NUP214: variants seen among roughly 807,000 people sequenced by gnomAD.
NUP214 encodes the protein nucleoporin 214, also known as nuclear pore complex protein Nup214.
In NUP214, 79 loss-of-function variants were observed where a neutral mutation model predicts 196.2. The ratio of observed to expected loss-of-function variants is 0.40; its 90% CI spans 0.34 to 0.49. NUP214 has a LOEUF of 0.49. Ranked by LOEUF, NUP214 falls within the 20% of genes least tolerant of loss-of-function variation. NUP214 has a pLI of 0.58. For missense variants in NUP214, 2,468 were observed against 2,539.0 expected, an observed-to-expected ratio of 0.97 and a Z score of 0.60; for synonymous variants, 1,020 against 990.5, an observed-to-expected ratio of 1.03 and a Z score of -0.56.
rs1263584400 is a variant in NUP214 at position 131,130,753 on chromosome 9, T to C, written c.593-13T>C. On this transcript the variant is annotated splice_polypyrimidine_tract_variant and intron_variant, in intron 4 of 35. Transcript: ENST00000359428. ...TTTTCTTGTTTTCATTTGGTAATAC[T>C]GTCTTTGCTCAGTGTGCTGGAGCCC... 1.2e-6 allele frequency: 2 copies of C among 1,613,542 alleles called. No homozygotes were observed. The highest frequency in any genetic ancestry group is 2.2e-5 in the East Asian group (1 of 44,870).
Position 131,174,269 on chromosome 9 carries a change from T to C in NUP214, c.3108T>C (p.Ala1036=). Residue 1036 remains alanine, a synonymous_variant, in exon 22 of 36, where the codon GCT becomes GCC. Transcript: ENST00000359428. Reference sequence around the variant, plus strand: ...TCTTGCCCCATGCAGCACCTTTTGCTAAATCTCACCTGGTTCATGGTTCTT... The same window carrying C: ...TCTTGCCCCATGCAGCACCTTTTGCCAAATCTCACCTGGTTCATGGTTCTT... ...PSLLPHAAPF[A]KSHLVHGSSP... The C allele has an allele frequency of 6.2e-7, 1 of 1,613,942 alleles. No homozygotes were observed. The highest frequency in any genetic ancestry group is 8.5e-7 in the Non-Finnish European group (1 of 1,179,960).
In NUP214 at chr9:131,129,269, G is replaced by C. The variant is rs1156275272; in HGVS notation, c.394-10G>C. The C allele has an allele frequency of 6.2e-7, 1 of 1,611,554 alleles. No individual in the cohort carries two copies. On this transcript the variant is annotated splice_polypyrimidine_tract_variant and intron_variant, in intron 3 of 35. Transcript: ENST00000359428. ...TAACTTATTTCACTTTTGCATATTT[G>C]TTTTAAAAGGCTAAACAGCAAAAAC...
chr9:131,144,481 C>G lies in NUP214; in HGVS notation c.1496C>G (p.Pro499Arg). The G allele has an allele frequency of 6.2e-7, 1 of 1,614,134 alleles. No individual in the cohort carries two copies. Among genetic ancestry groups the G allele is most frequent in the Non-Finnish European group, 8.5e-7 (1 of 1,180,028 alleles). Residue 499 changes from proline (P) to arginine (R), a missense_variant, in exon 12 of 36, where the codon CCC (proline) becomes CGC (arginine). Physicochemically the swap from Pro to Arg is moderately radical, Grantham distance 103. Transcript: ENST00000359428. Reference protein sequence around the residue: ...LKSSATVTGEPPSYSSGSDSS... With the variant: ...LKSSATVTGERPSYSSGSDSS... ...TCATCTGCTACGGTCACTGGGGAGC[C>G]CCCTTCATATTCCAGTGGCTCCGAC... is the stretch of plus-strand genomic sequence containing the variant.
intron 32 of NUP214, among the ~76,000 whole-genome samples, chr9:131,227,855 A>G (rs1370261638): frequency 2.0e-5 from 3 of 152,038 alleles, no homozygotes; most frequent in Non-Finnish European, 4.4e-5. Flanking sequence ...ACGGCTTCAC[A>G]GTGACTTCAC....
At chr9:131,214,924 TCAAA>T (rs1357754639) in intron 30 of NUP214, among the ~76,000 whole-genome samples, 2 of 152,174 alleles carry the variant, frequency 1.3e-5, no homozygotes, top group Non-Finnish European at 2.9e-5. Context: ...TGGCATTGTG[TCAAA>T]CAGACACTGC....
intron 24 of NUP214, among the ~76,000 whole-genome samples, chr9:131,182,502 C>G (rs974267256): frequency 5.3e-5 from 8 of 152,194 alleles, no homozygotes; most frequent in Non-Finnish European, 7.3e-5. Context: ...AAAATTATAG[C>G]CTGATGATCT....
intron 12 of NUP214, among the ~76,000 whole-genome samples, chr9:131,145,505 T>C (rs1016745791): frequency 5.3e-5 from 8 of 152,194 alleles, no homozygotes; most frequent in Admixed American, 3.3e-4. Context: ...ACAGTTACTG[T>C]TAATACTGAA....
In NUP214 at chr9:131,187,350, A is replaced by G. The variant is rs1192279890; in HGVS notation, c.3481A>G (p.Asn1161Asp). The change falls in exon 25 of 36, where the codon AAC (asparagine) becomes GAC (aspartate). Residue 1161 changes from asparagine to aspartate, a missense_variant. This residue lies in a region of NUP214 where 1,801 missense variants were observed against 1,779.4 expected (regional missense o/e 1.01). Transcript: ENST00000359428. ...CCCAGTGTTGACCCCAGTGGCTGCT[A>G]ACCAAGCCAAGCAGGTAACTTACTG... The part of the protein sequence containing the change: ...PHPVLTPVAA[N>D]QAKQGSLINS... 1.9e-6 allele frequency: 3 copies of G among 1,611,968 alleles called. No homozygotes were observed. In the South Asian group the frequency reaches 3.3e-5, roughly 18 times the overall value.
intron 26 of NUP214, chr9:131,190,227 A>G (rs895921107): frequency 6.2e-5 from 28 of 450,694 alleles, no homozygotes; most frequent in Admixed American, 1.7e-4. Flanking sequence ...GGAAAATTAT[A>G]TAGTAGAACT....
chr9:131,190,436 CCT>C, intron 26 of NUP214: 2 of 691,930 alleles, frequency 2.9e-6, no homozygotes, highest in Non-Finnish European at 5.2e-6. Context: ...ATCATGAAAT[CCT>C]CTCTTTTGTT....
At chr9:131,130,983 T>C (rs2133449198) in intron 5 of NUP214, 147 bp downstream of exon 5, 1 of 646,026 alleles carries the variant, frequency 1.5e-6, no homozygotes, top group Non-Finnish European at 2.7e-6. Context: ...GTGGAACTCT[T>C]CCCTTTCCCA....
At chr9:131,152,162 T>C (rs1435945260) in intron 17 of NUP214, among the ~76,000 whole-genome samples, 1 of 152,248 alleles carries the variant, frequency 6.6e-6, no homozygotes, top group African/African-American at 2.4e-5. Context: ...TTGCCCAGGC[T>C]AGTGTGCAAT....
chr9:131,129,592 G>C, intron 4 of NUP214, 115 bp downstream of exon 4: 1 of 1,012,750 alleles, frequency 9.9e-7, no homozygotes, highest in Non-Finnish European at 1.5e-6. Context: ...TTTTCATGAC[G>C]AGGGAGGTTA....
Position 131,127,174 on chromosome 9 carries a change from G to A in NUP214, c.46-350G>A, listed in dbSNP as rs565621221. 7.9e-4 allele frequency: 128 copies of A among 161,344 alleles called. 2 individuals are homozygous for A. In the South Asian group the frequency reaches 0.02, roughly 25 times the overall value. The allele number at this position is 161,344 out of a possible 1,614,324, so 10.0% of individuals were successfully genotyped here. A position where few individuals can be genotyped will look rare whatever the true frequency, so the allele number is the denominator to read the frequency against. On this transcript the variant is annotated intron_variant, in intron 1 of 35. Coordinates refer to ENST00000359428, the MANE Select transcript of NUP214 (RefSeq NM_005085.4). Reference sequence around the variant, plus strand: ...GAGGTGGATGGATCACTTGAGGTCCGGAGTTCGAGACTAGCCTGGCCAACA... The same window carrying A: ...GAGGTGGATGGATCACTTGAGGTCCAGAGTTCGAGACTAGCCTGGCCAACA...
chr9:131,228,155 C>G lies in NUP214; in HGVS notation c.5903-5C>G, dbSNP rs1486573687. 6.4e-7 allele frequency: 1 copy of G among 1,571,710 alleles called. No homozygotes were observed. The highest frequency in any genetic ancestry group is 2.4e-5 in the East Asian group (1 of 41,534). On this transcript the variant is annotated splice_polypyrimidine_tract_variant and splice_region_variant and intron_variant, in intron 32 of 35. Coordinates refer to ENST00000359428, the MANE Select transcript of NUP214 (RefSeq NM_005085.4). ...TTTCTGTTTGTTTGCCTCTGTTTTG[C>G]TCAGGTGGCTTCGGTGCTGCTCCAG...
intron 27 of NUP214, chr9:131,192,628 G>A (rs1588156918): frequency 5.3e-6 from 1 of 188,058 alleles, no homozygotes; most frequent in East Asian, 1.5e-4. Context: ...CATTTTGGGG[G>A]CTAGATGTGA....
At chr9:131,136,037 CT>C in intron 9 of NUP214, 31 bp downstream of exon 9, 1 of 1,529,894 alleles carries the variant, frequency 6.5e-7, no homozygotes, top group Non-Finnish European at 9.0e-7. Flanking sequence ...TTCTGTGGTG[CT>C]TTCTTTTTTA....
At chr9:131,129,588 T>A in intron 4 of NUP214, 111 bp downstream of exon 4, 1 of 1,043,064 alleles carries the variant, frequency 9.6e-7, no homozygotes, top group Non-Finnish European at 1.4e-6. Context: ...TTTTTTTTCA[T>A]GACGAGGGAG....
At chr9:131,211,750 TCTTTA>T (rs1467681310) in intron 30 of NUP214, among the ~76,000 whole-genome samples, 40 of 152,356 alleles carry the variant, frequency 2.6e-4, no homozygotes, top group African/African-American at 9.1e-4. Flanking sequence ...CCTATGCCTG[TCTTTA>T]CTTTAATCTC....
Sources: gnomAD v4.1 joint callset for allele counts (sites outside exome capture counted in the v4.1 genomes callset) on GRCh38, gnomAD v4.1.1 for gene constraint, gnomAD v4.1.1 regional missense constraint, MANE v1.5 for transcripts, NCBI Gene and HGNC (gene_info 2026-07-23, HGNC 2026-07-21) for gene names.